GALNTL6: variants seen among roughly 807,000 people sequenced by gnomAD.
GALNTL6 encodes the protein polypeptide N-acetylgalactosaminyltransferase-like 6.
GALNTL6 carries 46 observed loss-of-function variants against 73.7 expected under a neutral mutation model. The ratio of observed to expected loss-of-function variants is 0.62; its 90% CI spans 0.49 to 0.80. The LOEUF (loss-of-function observed/expected upper bound fraction) is 0.80, where lower values mean the gene tolerates loss of function less well. GALNTL6 is among the 30% of genes least tolerant of loss of function. The pLI is 0.00. For missense variants in GALNTL6, 604 were observed against 755.0 expected (o/e 0.80, Z 2.34); for synonymous variants, 259 against 263.7 (o/e 0.98, Z 0.17).
chr4:172,412,566 A>G (rs1294586068), intron 5 of GALNTL6, among the ~76,000 whole-genome samples: 3 of 152,196 alleles, frequency 2.0e-5, no homozygotes, highest in African/African-American at 7.2e-5. Context: ...GACACCTTAG[A>G]TAGGTTTTTT....
chr4:172,449,958 C>T (rs1732152148), intron 5 of GALNTL6, among the ~76,000 whole-genome samples: 1 of 152,154 alleles, frequency 6.6e-6, no homozygotes, highest in African/African-American at 2.4e-5. Flanking sequence ...GTGGCTCACA[C>T]CTGTCATCCC....
intron 5 of GALNTL6, among the ~76,000 whole-genome samples, chr4:172,799,819 G>A (rs1029738089): frequency 2.6e-5 from 4 of 152,110 alleles, no homozygotes; most frequent in African/African-American, 7.2e-5. Context: ...TTGTACACCC[G>A]TGTTTGTAGC....
Position 172,658,158 on chromosome 4 carries a change from A to AAAAAAAAG in GALNTL6, c.554-151196_554-151195insGAAAAAAA, listed in dbSNP as rs1553968799. Among the ~76,000 whole-genome samples, 48 of 120,730 alleles carry AAAAAAAAG rather than the reference A, an allele frequency of 4.0e-4. 4 individuals carry two copies. Among genetic ancestry groups the AAAAAAAAG allele is most frequent in the African/African-American group, 1.4e-3 (46 of 32,226 alleles). 79.2% of individuals were successfully genotyped at this position (120,730 alleles called of 152,430 possible). A position where few individuals can be genotyped will look rare whatever the true frequency, so the allele number is the denominator to read the frequency against. On this transcript the variant is annotated intron_variant, in intron 5 of 12. Transcript: ENST00000506823. ...GAGCGAGACTCCGTCTCAAAAAAAA[A>AAAAAAAAG]AAAAAAAAAAAGAAATATCTTTGTG...
chr4:172,924,449 G>T (rs1356075335), intron 8 of GALNTL6, among the ~76,000 whole-genome samples: 1 of 152,176 alleles, frequency 6.6e-6, no homozygotes, highest in Non-Finnish European at 1.5e-5. Flanking sequence ...TGCTCACTAC[G>T]TATTTGTTCA....
At chr4:172,282,461 G>A (rs1739095158) in intron 3 of GALNTL6, among the ~76,000 whole-genome samples, 1 of 152,120 alleles carries the variant, frequency 6.6e-6, no homozygotes, top group African/African-American at 2.4e-5. Flanking sequence ...TTATAAATTG[G>A]GGGAAAGACT....
At chr4:172,408,083 C>A (rs928531318) in intron 5 of GALNTL6, among the ~76,000 whole-genome samples, 1 of 152,036 alleles carries the variant, frequency 6.6e-6, no homozygotes, top group African/African-American at 2.4e-5. Flanking sequence ...TTGCCACAAC[C>A]TTTGGGGATT....
intron 10 of GALNTL6, among the ~76,000 whole-genome samples, chr4:172,961,489 A>T (rs113991727): frequency 3.6e-4 from 55 of 152,274 alleles, no homozygotes; most frequent in African/African-American, 1.3e-3. Flanking sequence ...ACGTGGTCAG[A>T]CGCCTCTGAA....
At chr4:172,881,957 G>C (rs1745475750) in intron 7 of GALNTL6, among the ~76,000 whole-genome samples, 1 of 151,742 alleles carries the variant, frequency 6.6e-6, no homozygotes, top group Non-Finnish European at 1.5e-5. Flanking sequence ...CAGGGTTGTT[G>C]TGAGGATCGA....
rs1359620200 is a variant in GALNTL6 at position 171,947,485 on chromosome 4, C to T, written c.138+132767C>T. The stretch of plus-strand genomic sequence containing the variant: ...TAAGTCAAATAACTCACTTCTTTCT[C>T]TTTTAGATACATTGGGTGAAGGACT... On this transcript the variant is annotated intron_variant, in intron 2 of 12. Coordinates refer to ENST00000506823, the MANE Select transcript of GALNTL6 (RefSeq NM_001034845.3). Among the ~76,000 whole-genome samples, 2 of 151,650 alleles carry T rather than the reference C, an allele frequency of 1.3e-5. 1 individual carries two copies. The highest frequency in any genetic ancestry group is 4.1e-4 in the South Asian group (2 of 4,820).
intron 5 of GALNTL6, among the ~76,000 whole-genome samples, chr4:172,723,780 T>G (rs1735631443): frequency 1.7e-5 from 1 of 57,580 alleles, no homozygotes; most frequent in Admixed American, 1.4e-4. Context: ...GAAAAATCCA[T>G]TCACTTTAGG....
rs544152865 is a variant in GALNTL6, at chr4:172,352,256, C to T, written c.553+3567C>T. On this transcript the variant is annotated intron_variant, in intron 5 of 12. Transcript: ENST00000506823. Reference sequence around the variant, plus strand: ...TAAAAAAAGTGCATATTCCATCTTGCAGTTCTCAGTTTAGACATTTTCCTA... The same window carrying T: ...TAAAAAAAGTGCATATTCCATCTTGTAGTTCTCAGTTTAGACATTTTCCTA... Among the ~76,000 whole-genome samples the T allele has an allele frequency of 6.6e-5, 10 of 152,272 alleles. No individual in the cohort carries two copies. The East Asian group carries it at 1.7e-3, about 26-fold the overall frequency.
intron 5 of GALNTL6, among the ~76,000 whole-genome samples, chr4:172,680,659 A>G (rs983772135): frequency 1.3e-5 from 2 of 152,124 alleles, no homozygotes; most frequent in African/African-American, 4.8e-5. Flanking sequence ...TCCTATTTTA[A>G]AAAAGCCGTC....
intron 2 of GALNTL6, among the ~76,000 whole-genome samples, chr4:171,965,484 G>A (rs1305041628): frequency 9.9e-5 from 15 of 151,654 alleles, no homozygotes; most frequent in African/African-American, 3.4e-4. Flanking sequence ...GTGAAACCCC[G>A]TCTCTACTAA....
At chr4:172,638,524 A>G (rs929775113) in intron 5 of GALNTL6, among the ~76,000 whole-genome samples, 1 of 152,074 alleles carries the variant, frequency 6.6e-6, no homozygotes, top group Non-Finnish European at 1.5e-5. Flanking sequence ...TGGTACCTCA[A>G]TGACACATTT....
Position 172,705,762 on chromosome 4 carries a change from G to GT in GALNTL6, c.554-103591dup, listed in dbSNP as rs147189631. Among the ~76,000 whole-genome samples, 971 of 151,894 alleles carry GT rather than the reference G, an allele frequency of 6.4e-3. 9 individuals carry two copies. Among genetic ancestry groups the GT allele is most frequent in the African/African-American group, 0.018 (740 of 41,472 alleles). On this transcript the variant is annotated intron_variant, in intron 5 of 12. Transcript: ENST00000506823. Reference sequence around the variant, plus strand: ...TTGGGTACACAATTCTTGGTTGACAGTTTTTTTTCCTTTAGCACTATTAGT... The same window carrying GT: ...TTGGGTACACAATTCTTGGTTGACAGTTTTTTTTTCCTTTAGCACTATTAGT...
At chr4:173,010,384 G>C (rs62341920) in intron 11 of GALNTL6, among the ~76,000 whole-genome samples, 15,008 of 152,088 alleles carry the variant, frequency 0.099, 946 homozygotes, top group Non-Finnish European at 0.15. Context: ...TTATGCATAG[G>C]TACCACATTT....
At chr4:172,958,891 T>C (rs1396769252) in intron 10 of GALNTL6, among the ~76,000 whole-genome samples, 1 of 151,880 alleles carries the variant, frequency 6.6e-6, no homozygotes, top group Non-Finnish European at 1.5e-5. Context: ...GAGGGAGGTA[T>C]TTAGGATAGG....
At chr4:172,597,398 A>G (rs1179186473) in intron 5 of GALNTL6, among the ~76,000 whole-genome samples, 1 of 152,226 alleles carries the variant, frequency 6.6e-6, no homozygotes, top group Non-Finnish European at 1.5e-5. Flanking sequence ...TAATATAGAT[A>G]GTTATTTTTC....
chr4:173,034,748 G>A (rs62341925), intron 12 of GALNTL6, among the ~76,000 whole-genome samples: 17,672 of 151,976 alleles, frequency 0.12, 1,311 homozygotes, highest in Non-Finnish European at 0.18. Context: ...CCTTCTGACC[G>A]CCTTGATTTT....
Sources: gnomAD v4.1 joint callset for allele counts (sites outside exome capture counted in the v4.1 genomes callset) on GRCh38, gnomAD v4.1.1 for gene constraint, MANE v1.5 for transcripts, NCBI Gene and HGNC (gene_info 2026-07-23, HGNC 2026-07-21) for gene names.